The following PARS2 variants were observed in gnomAD, a reference collection of about 807,000 sequenced individuals.
PARS2 encodes probable proline--tRNA ligase, mitochondrial.
PARS2 carries 20 observed loss-of-function variants against 27.4 expected under a neutral mutation model. The ratio of observed to expected loss-of-function variants is 0.73; its 90% CI spans 0.51 to 1.06. PARS2 has a LOEUF of 1.06. PARS2 is among the 50% of genes least tolerant of loss of function. PARS2 has a pLI of 0.00. For synonymous variants in PARS2, 240 were observed against 247.1 expected, an observed-to-expected ratio of 0.97 and a Z score of 0.27; for missense variants, 585 against 602.1, an observed-to-expected ratio of 0.97 and a Z score of 0.30.
In PARS2 at chr1:54,758,736, T is replaced by A; in HGVS notation, c.426A>T (p.Leu142=). The change falls in exon 2 of 2, where the codon CTA becomes CTT. Residue 142 remains leucine (L), a synonymous_variant. Coordinates refer to ENST00000371279, the MANE Select transcript of PARS2 (RefSeq NM_152268.4). ...CCTTGCCATGCCTGTCTCTAAGTCT[T>A]AGCAGCTCTTTGCCCATCAAGTCCC... The part of the protein sequence containing the change: ...NRWDLMGKEL[L]RLRDRHGKEY... 4 of 1,614,196 alleles carry A rather than the reference T, an allele frequency of 2.5e-6. No individual in the cohort carries two copies. The highest frequency in any genetic ancestry group is 3.4e-6 in the Non-Finnish European group (4 of 1,180,034).
In PARS2 at chr1:54,757,089, C is replaced by G. The variant is rs772293177; in HGVS notation, c.*645G>C. 2 of 152,090 alleles carry G rather than the reference C, an allele frequency of 1.3e-5. No individual in the cohort carries two copies. The highest frequency in any genetic ancestry group is 2.4e-5 in the African/African-American group (1 of 41,390). 9.4% of individuals were successfully genotyped at this position (152,090 alleles called of 1,614,324 possible). A position where few individuals can be genotyped will look rare whatever the true frequency, so the allele number is the denominator to read the frequency against. On this transcript the variant is annotated 3_prime_UTR_variant, in exon 2 of 2. Transcript: ENST00000371279. ...CCTCTCATGGAACCCCCTAGTGACA[C>G]CTATAAGGACGTTACAGATCTAGTT...
At chr1:54,763,555 C>T (rs1210272792) in intron 1 of PARS2, among the ~76,000 whole-genome samples, 1 of 152,130 alleles carries the variant, frequency 6.6e-6, no homozygotes, top group Non-Finnish European at 1.5e-5. Flanking sequence ...ATAATTTAAA[C>T]GAGAGCTTTA....
chr1:54,757,802 T>C lies in PARS2; in HGVS notation c.1360A>G (p.Thr454Ala). 3 of 1,614,134 alleles carry C rather than the reference T, an allele frequency of 1.9e-6. No homozygotes were observed. Among genetic ancestry groups the C allele is most frequent in the Non-Finnish European group, 2.5e-6 (3 of 1,180,012 alleles). Residue 454 changes from threonine to alanine, a missense_variant, in exon 2 of 2, where the codon ACT (threonine) becomes GCT (alanine). Physicochemically the swap from Thr to Ala is moderately conservative, Grantham distance 58. Transcript: ENST00000371279. Reference sequence around the variant, plus strand: ...TTGGTGAGGAAGGCCACCTCACCAGTGTTCTGACACCAAACCTCAAAATGT... The same window carrying C: ...TTGGTGAGGAAGGCCACCTCACCAGCGTTCTGACACCAAACCTCAAAATGT... ...PAHFEVWCQN[T>A]GEVAFLTKDG... is the part of the protein sequence containing the mutation.
At position 54,758,563 on chromosome 1, in the gene PARS2, C is replaced by T. The variant is rs1374462271; in HGVS notation, c.599G>A (p.Arg200His). Residue 200 changes from arginine (R) to histidine (H), a missense_variant, in exon 2 of 2, where the codon CGT becomes CAT. Arg to His is a conservative substitution (Grantham distance 29). Transcript: ENST00000371279. ...ATCCTTCATGTAAAACTCTCGGCCA[C>T]GGAGAAGACCAAAGCGGGGCCTGGG... ...DEPRPRFGLL[R>H]GREFYMKDMY... 9.9e-6 allele frequency: 16 copies of T among 1,614,086 alleles called. No individual in the cohort carries two copies. Among genetic ancestry groups the T allele is most frequent in the Non-Finnish European group, 8.5e-6 (10 of 1,180,036 alleles).
At chr1:54,761,213 T>A (rs966371688) in intron 1 of PARS2, among the ~76,000 whole-genome samples, 1 of 152,110 alleles carries the variant, frequency 6.6e-6, no homozygotes, top group African/African-American at 2.4e-5. Flanking sequence ...CCACTCCCCA[T>A]ACCCCCAAAG....
rs1646150755 is a variant in PARS2 at position 54,760,696 on chromosome 1, C to T, written c.-29-1506G>A. Among the ~76,000 whole-genome samples, 3 of 152,310 alleles carry T rather than the reference C, an allele frequency of 2.0e-5. No individual in the cohort carries two copies. In the South Asian group the frequency reaches 6.2e-4, roughly 32 times the overall value. On this transcript the variant is annotated intron_variant, in intron 1 of 1. Coordinates refer to ENST00000371279, the MANE Select transcript of PARS2 (RefSeq NM_152268.4). ...GAATAAGGTCTAAGCTTCTGACTTTCAGGGTGTGCACAGCCCCACATAAGC... is the reference window on the plus strand; with the variant it reads ...GAATAAGGTCTAAGCTTCTGACTTTTAGGGTGTGCACAGCCCCACATAAGC...
intron 1 of PARS2, among the ~76,000 whole-genome samples, chr1:54,761,071 C>T (rs578182061): frequency 6.6e-6 from 1 of 152,360 alleles, no homozygotes; most frequent in Admixed American, 6.5e-5. Context: ...AGCCACTGCG[C>T]CCGGCCCCAT....
chr1:54,759,125 C>A lies in PARS2; in HGVS notation c.37G>T (p.Ala13Ser), dbSNP rs140625560. 6.2e-6 allele frequency: 10 copies of A among 1,607,630 alleles called. No homozygotes were observed. The highest frequency in any genetic ancestry group is 4.0e-5 in the African/African-American group (3 of 74,844). Residue 13 changes from alanine to serine, a missense_variant, in exon 2 of 2, where the codon GCC becomes TCC. By Grantham distance (99) the Ala-to-Ser change is moderately conservative. Coordinates refer to ENST00000371279, the MANE Select transcript of PARS2 (RefSeq NM_152268.4). ...AGCTGGCGGCTGCAGGTGGCCAGGG[C>A]GGGCAATGCTCTGCATCTTGTCAGC... ...GLLTRCRALP[A>S]LATCSRQLSG...
chr1:54,762,947 G>C (rs765432657), intron 1 of PARS2, among the ~76,000 whole-genome samples: 1 of 152,180 alleles, frequency 6.6e-6, no homozygotes, highest in Non-Finnish European at 1.5e-5. Context: ...CAGCTAAAAA[G>C]ATAGCTGACC....
At chr1:54,759,221 C>A in intron 1 of PARS2, 31 bp from the exon 2 acceptor site, 1 of 1,365,876 alleles carries the variant, frequency 7.3e-7, no homozygotes. Flanking sequence ...TGAGAATGAG[C>A]CTCATCCGTG....
chr1:54,760,860 G>A (rs1570091332), intron 1 of PARS2, among the ~76,000 whole-genome samples: 1 of 151,896 alleles, frequency 6.6e-6, no homozygotes, highest in African/African-American at 2.4e-5. Flanking sequence ...CTCACTGCAA[G>A]CTCTGCCTCC....
chr1:54,757,750 G>A lies in PARS2; in HGVS notation c.1412C>T (p.Pro471Leu). 3 of 1,610,420 alleles carry A rather than the reference G, an allele frequency of 1.9e-6. No homozygotes were observed. Among genetic ancestry groups the A allele is most frequent in the Non-Finnish European group, 2.5e-6 (3 of 1,177,790 alleles). Residue 471 changes from proline (P) to leucine (L), a missense_variant, in exon 2 of 2, where the codon CCA becomes CTA. Physicochemically the swap from Pro to Leu is moderately conservative, Grantham distance 98 (BLOSUM62 -3). Coordinates refer to ENST00000371279, the MANE Select transcript of PARS2 (RefSeq NM_152268.4). ...TGGGGGCATTTAGACAGTCTGCACT[G>A]GGGTCAGTAAATCCATGACTCCATC... ...TKDGVMDLLTPVQTV is the reference protein window; with the variant it reads ...TKDGVMDLLTLVQTV
In PARS2 at chr1:54,759,146, T is replaced by A; in HGVS notation, c.16A>T (p.Thr6Ser). The part of the protein sequence containing the change: MEGLL[T>S]RCRALPALAT... ...AGGGCGGGCAATGCTCTGCATCTTGTCAGCAGCCCTTCCATGACACCCTGG... is the reference window on the plus strand; with the variant it reads ...AGGGCGGGCAATGCTCTGCATCTTGACAGCAGCCCTTCCATGACACCCTGG... Residue 6 changes from threonine (T) to serine (S), a missense_variant, in exon 2 of 2, where the codon ACA becomes TCA. Physicochemically the swap from Thr to Ser is moderately conservative, Grantham distance 58. Coordinates refer to ENST00000371279, the MANE Select transcript of PARS2 (RefSeq NM_152268.4). 3 of 1,590,410 alleles carry A rather than the reference T, an allele frequency of 1.9e-6. No homozygotes were observed. The highest frequency in any genetic ancestry group is 1.7e-6 in the Non-Finnish European group (2 of 1,164,006).
intron 1 of PARS2, among the ~76,000 whole-genome samples, chr1:54,761,641 C>G (rs1378533466): frequency 1.3e-5 from 2 of 152,162 alleles, no homozygotes; most frequent in African/African-American, 4.8e-5. Context: ...TCAGCACAGT[C>G]CATGCAACAA....
rs1472379999 is a variant in PARS2, at chr1:54,759,027, C to G, written c.135G>C (p.Val45=). The G allele has an allele frequency of 8.7e-6, 14 of 1,614,020 alleles. No homozygotes were observed. Among genetic ancestry groups the G allele is most frequent in the Non-Finnish European group, 1.2e-5 (14 of 1,180,024 alleles). Residue 45 remains valine (V), a synonymous_variant, in exon 2 of 2, where the codon GTG becomes GTC. Coordinates refer to ENST00000371279, the MANE Select transcript of PARS2 (RefSeq NM_152268.4). ...RRGRRLLLSR[V]FQPQNLREDR... ...CTTCCCGAAGGTTCTGTGGCTGGAA[C>G]ACACGAGACAGCAGCAGGCGCCGCC...
At chr1:54,763,463 A>G (rs1646168173) in intron 1 of PARS2, among the ~76,000 whole-genome samples, 1 of 152,186 alleles carries the variant, frequency 6.6e-6, no homozygotes, top group African/African-American at 2.4e-5. Flanking sequence ...AATGCCTACT[A>G]TTTAGGCTAT....
chr1:54,761,127 C>T (rs1049235062), intron 1 of PARS2, among the ~76,000 whole-genome samples: 2 of 152,180 alleles, frequency 1.3e-5, no homozygotes, highest in African/African-American at 4.8e-5. Context: ...ACACCCCTCT[C>T]CCCTTTTCCT....
intron 1 of PARS2, among the ~76,000 whole-genome samples, chr1:54,763,139 T>A (rs1398016832): frequency 6.6e-6 from 1 of 152,150 alleles, no homozygotes; most frequent in Non-Finnish European, 1.5e-5. Flanking sequence ...CAATTCCAAC[T>A]GGAATTCAAG....
chr1:54,758,818 T>C lies in PARS2; in HGVS notation c.344A>G (p.Gln115Arg), dbSNP rs1557762917. 1 of 1,614,054 alleles carries C rather than the reference T, an allele frequency of 6.2e-7. No individual in the cohort carries two copies. Among genetic ancestry groups the C allele is most frequent in the Non-Finnish European group, 8.5e-7 (1 of 1,180,018 alleles). Residue 115 changes from glutamine (Q) to arginine (R), a missense_variant, in exon 2 of 2, where the codon CAG becomes CGG. Physicochemically the swap from Gln to Arg is conservative, Grantham distance 43. Transcript: ENST00000371279. ...GCTGAGGCTGGGCATGTTGACTTTC[T>C]GGCCCCCGATGGCCTGCATCTCCTG... ...IDQEMQAIGG[Q>R]KVNMPSLSPA... is the part of the protein sequence containing the mutation.
Sources: gnomAD v4.1 joint callset for allele counts (sites outside exome capture counted in the v4.1 genomes callset) on GRCh38, gnomAD v4.1.1 for gene constraint, MANE v1.5 for transcripts, NCBI Gene and HGNC (gene_info 2026-07-23, HGNC 2026-07-21) for gene names.